Variants in SLC44A5 observed in about 807,000 individuals in gnomAD.
SLC44A5 encodes choline transporter-like protein 5.
A neutral mutation model predicts 101.8 loss-of-function variants in SLC44A5; 57 were observed. That is an observed-to-expected ratio of 0.56 (90% CI 0.45 to 0.70). The LOEUF (loss-of-function observed/expected upper bound fraction) is 0.70. Ranked by LOEUF, SLC44A5 falls within the 30% of genes least tolerant of loss-of-function variation. SLC44A5 has a pLI of 0.00. For missense variants in SLC44A5, 737 were observed against 853.1 expected (o/e 0.86, Z 1.70); for synonymous variants, 281 against 290.9 (o/e 0.97, Z 0.35).
chr1:75,373,488 C>T (rs891585117), intron 3 of SLC44A5, among the ~76,000 whole-genome samples: 9 of 152,190 alleles, frequency 5.9e-5, no homozygotes, highest in African/African-American at 1.4e-4. Flanking sequence ...AGAGATTGAA[C>T]CTGCATAGAA....
chr1:75,469,458 T>C (rs372327014), intron 2 of SLC44A5, among the ~76,000 whole-genome samples: 1,433 of 142,840 alleles, frequency 0.01, 23 homozygotes, highest in African/African-American at 0.035. Flanking sequence ...TTACTAGCAT[T>C]CCCAGAAAAA....
At chr1:75,678,174 G>T in the SLC44A5 span, among the ~76,000 whole-genome samples, 105 of 152,284 alleles carry the variant, frequency 6.9e-4, 1 homozygote, top group African/African-American at 2.3e-3. Flanking sequence ...AGGCTGAAGC[G>T]AGGCTGGGGG....
At chr1:75,383,499 T>C (rs1309677762) in intron 3 of SLC44A5, among the ~76,000 whole-genome samples, 15 of 151,724 alleles carry the variant, frequency 9.9e-5, no homozygotes, top group Non-Finnish European at 2.1e-4. Context: ...GAAGGGAAGT[T>C]TAGAGAAAAA....
intron 3 of SLC44A5, among the ~76,000 whole-genome samples, chr1:75,359,714 A>G (rs1352087799): frequency 6.6e-6 from 1 of 152,114 alleles, no homozygotes; most frequent in Admixed American, 6.6e-5. Context: ...ATCATGTGGT[A>G]ATTCTATTTT....
intron 1 of SLC44A5, among the ~76,000 whole-genome samples, chr1:75,588,396 C>T (rs1674144551): frequency 6.6e-6 from 1 of 152,040 alleles, no homozygotes; most frequent in Non-Finnish European, 1.5e-5. Flanking sequence ...ATTTAATCCT[C>T]ACCATAGTCT....
intron 2 of SLC44A5, among the ~76,000 whole-genome samples, chr1:75,444,465 A>C (rs368569931): frequency 1.8e-4 from 20 of 110,150 alleles, no homozygotes; most frequent in Non-Finnish European, 3.2e-4. Flanking sequence ...GAAAAAGAAA[A>C]AAAGAAAGAG....
chr1:75,627,447 G>T, the SLC44A5 span, among the ~76,000 whole-genome samples: 3 of 152,102 alleles, frequency 2.0e-5, no homozygotes, highest in African/African-American at 7.2e-5. Context: ...GGAGGCCAAG[G>T]TGGGAGGATC....
chr1:75,584,662 A>G (rs747690884), intron 1 of SLC44A5, among the ~76,000 whole-genome samples: 2 of 152,068 alleles, frequency 1.3e-5, no homozygotes. Context: ...GTGAGATCTC[A>G]GTTCACTGCA....
the SLC44A5 span, among the ~76,000 whole-genome samples, chr1:75,621,057 G>T: frequency 1.3e-5 from 2 of 152,120 alleles, no homozygotes; most frequent in African/African-American, 4.8e-5. Flanking sequence ...TATATGGATA[G>T]AATTTCTGGC....
the SLC44A5 span, among the ~76,000 whole-genome samples, chr1:75,696,868 A>G: frequency 6.6e-6 from 1 of 152,166 alleles, no homozygotes; most frequent in South Asian, 2.1e-4. Context: ...CAGACTGGGC[A>G]ACAGAGCGAG....
chr1:75,301,043 C>T (rs1411204654), intron 4 of SLC44A5, among the ~76,000 whole-genome samples: 1 of 152,062 alleles, frequency 6.6e-6, no homozygotes, highest in African/African-American at 2.4e-5. Context: ...CTTCATGCCT[C>T]CTTCACACAT....
At chr1:75,571,894 A>G (rs1274856726) in intron 1 of SLC44A5, among the ~76,000 whole-genome samples, 4 of 152,190 alleles carry the variant, frequency 2.6e-5, no homozygotes, top group Non-Finnish European at 4.4e-5. Flanking sequence ...CCAGAGATTA[A>G]AAAAAGCAAA....
At chr1:75,515,876 C>G (rs1288997867) in intron 2 of SLC44A5, among the ~76,000 whole-genome samples, 1 of 151,660 alleles carries the variant, frequency 6.6e-6, no homozygotes, top group Non-Finnish European at 1.5e-5. Context: ...TCACAGTGTA[C>G]AAGGGTTTTT....
chr1:75,312,897 T>C (rs1332156243), intron 4 of SLC44A5, among the ~76,000 whole-genome samples: 2 of 152,106 alleles, frequency 1.3e-5, no homozygotes, highest in Non-Finnish European at 2.9e-5. Flanking sequence ...TGATTACAAG[T>C]TGTAAAGTTG....
At chr1:75,395,962 G>A (rs1248249242) in intron 3 of SLC44A5, among the ~76,000 whole-genome samples, 2 of 152,132 alleles carry the variant, frequency 1.3e-5, no homozygotes, top group Non-Finnish European at 2.9e-5. Context: ...CACAAAGGAA[G>A]AGAAATTCTT....
the SLC44A5 span, among the ~76,000 whole-genome samples, chr1:75,648,177 A>G: frequency 6.6e-6 from 1 of 152,132 alleles, no homozygotes; most frequent in African/African-American, 2.4e-5. Context: ...GAGATCTGAT[A>G]GTTTTTTAAG....
intron 7 of SLC44A5, among the ~76,000 whole-genome samples, chr1:75,244,546 C>T (rs540592825): frequency 6.6e-6 from 1 of 151,920 alleles, no homozygotes; most frequent in Admixed American, 6.6e-5. Flanking sequence ...GTTTTATCAC[C>T]ATAAGAAACT....
chr1:75,471,509 A>G (rs1357299185), intron 2 of SLC44A5, among the ~76,000 whole-genome samples: 2 of 152,160 alleles, frequency 1.3e-5, no homozygotes, highest in African/African-American at 2.4e-5. Flanking sequence ...CTACCTGATC[A>G]TAGCCTTTTA....
At chr1:75,528,677 C>G (rs1220632201) in intron 2 of SLC44A5, among the ~76,000 whole-genome samples, 2 of 152,196 alleles carry the variant, frequency 1.3e-5, no homozygotes, top group Non-Finnish European at 2.9e-5. Context: ...GCTGGAAAAG[C>G]TTTTAATGAC....
Sources: allele counts gnomAD v4.1 joint callset (sites outside exome capture counted in the v4.1 genomes callset), GRCh38; gene constraint gnomAD v4.1.1; transcripts MANE v1.5; gene names NCBI Gene and HGNC (gene_info 2026-07-23, HGNC 2026-07-21).